MTCH2: variants seen among roughly 807,000 people sequenced by gnomAD.
MTCH2 encodes the protein mitochondrial carrier 2.
A neutral mutation model predicts 50.6 loss-of-function variants in MTCH2; 25 were observed. The observed-to-expected ratio is 0.49, with a 90% CI of 0.36 to 0.69. The LOEUF is 0.69. MTCH2 is among the 30% of genes least tolerant of loss of function. The probability of loss-of-function intolerance (pLI) is 0.00; values close to 1 mark genes in which losing one functional copy is unlikely to be tolerated. For missense variants in MTCH2, 273 were observed against 384.4 expected (o/e 0.71, Z 2.42); for synonymous variants, 106 against 132.0 (o/e 0.80, Z 1.35).
intron 5 of MTCH2, among the ~76,000 whole-genome samples, chr11:47,633,331 C>A (rs1357717715): frequency 2.2e-5 from 3 of 138,382 alleles, no homozygotes; most frequent in Admixed American, 7.3e-5. Context: ...AGGGTGGTCT[C>A]AATCTCCTGA....
downstream of MTCH2, among the ~76,000 whole-genome samples, chr11:47,614,944 G>C (rs2097287463): frequency 1.4e-5 from 2 of 146,722 alleles, no homozygotes; most frequent in South Asian, 4.3e-4. Flanking sequence ...AAAAAAATCT[G>C]TTAACTGGTT....
chr11:47,625,478 G>A (rs1174699532), intron 11 of MTCH2, among the ~76,000 whole-genome samples, 196 bp downstream of exon 11: 4 of 151,012 alleles, frequency 2.6e-5, no homozygotes, highest in African/African-American at 2.4e-5. Context: ...TGAGGCTGCT[G>A]CTGCATAGGG....
intron 5 of MTCH2, 48 bp downstream of exon 5, chr11:47,634,624 C>G (rs1242222933): frequency 7.0e-7 from 1 of 1,428,692 alleles, no homozygotes; most frequent in Non-Finnish European, 9.8e-7. Context: ...AGTTGCAACA[C>G]CACAGTTTGA....
the MTCH2 span, among the ~76,000 whole-genome samples, chr11:47,604,758 G>C: frequency 6.6e-6 from 1 of 152,100 alleles, no homozygotes; most frequent in Non-Finnish European, 1.5e-5. Flanking sequence ...GCTAAGAAAT[G>C]CTGTTAGTTA....
chr11:47,635,617 T>C (rs746852077), intron 3 of MTCH2, 46 bp from the exon 4 acceptor site: 113 of 1,557,902 alleles, frequency 7.3e-5, no homozygotes, highest in Middle Eastern at 1.7e-4. Context: ...TACAGTGTCA[T>C]GTGAAAGAAG....
In MTCH2 at chr11:47,642,475, C is replaced by T. The variant is rs756176351; in HGVS notation, c.-10G>A. The stretch of plus-strand genomic sequence containing the variant: ...TGGCCGCGTCCGCCATGATGGCACC[C>T]GCGGGCGGACGGACAGACAGACGGA... On this transcript the variant is annotated 5_prime_UTR_variant, in exon 1 of 13. Coordinates refer to ENST00000302503, the MANE Select transcript of MTCH2 (RefSeq NM_014342.4). The T allele has an allele frequency of 2.2e-5, 35 of 1,576,078 alleles. No homozygotes were observed. Among genetic ancestry groups the T allele is most frequent in the Non-Finnish European group, 3.0e-5 (35 of 1,162,824 alleles).
chr11:47,632,338 G>A (rs918034000), intron 5 of MTCH2, among the ~76,000 whole-genome samples: 2 of 151,558 alleles, frequency 1.3e-5, no homozygotes, highest in Non-Finnish European at 2.9e-5. Flanking sequence ...ATGTAAGCAG[G>A]TCTACCATTG....
At chr11:47,631,391 A>C (rs1000333357) in intron 6 of MTCH2, among the ~76,000 whole-genome samples, 17 of 152,194 alleles carry the variant, frequency 1.1e-4, no homozygotes, top group Admixed American at 5.2e-4. Flanking sequence ...CCTGGGCAAC[A>C]AGAGTGAAAC....
chr11:47,629,358 A>C, intron 8 of MTCH2: 1 of 290,048 alleles, frequency 3.4e-6, no homozygotes, highest in Non-Finnish European at 6.8e-6. Flanking sequence ...TGCAGAAGAG[A>C]CTTAAATATT....
intron 5 of MTCH2, 44 bp downstream of exon 5, chr11:47,634,627 CA>C: frequency 6.9e-7 from 1 of 1,449,698 alleles, no homozygotes; most frequent in Non-Finnish European, 9.6e-7. Context: ...TGCAACACCA[CA>C]GTTTGATCTG....
At chr11:47,636,719 T>C (rs374869462) in intron 3 of MTCH2, among the ~76,000 whole-genome samples, 1 of 147,788 alleles carries the variant, frequency 6.8e-6, no homozygotes, top group Admixed American at 6.8e-5. Context: ...GCAACAAGAG[T>C]GAAACTCTGT....
downstream of MTCH2, chr11:47,617,281 A>G (rs2097289048): frequency 6.6e-6 from 1 of 152,244 alleles, no homozygotes; most frequent in South Asian, 2.1e-4. Context: ...ATAGGCAAGC[A>G]TGAAAGTTCA....
chr11:47,631,129 C>A, intron 6 of MTCH2, 42 bp from the exon 7 acceptor site: 1 of 1,558,148 alleles, frequency 6.4e-7, no homozygotes, highest in Non-Finnish European at 8.8e-7. Context: ...TATGTTAAGG[C>A]CAGGTGCGGT....
At position 47,639,129 on chromosome 11, in the gene MTCH2, A is replaced by G; in HGVS notation, c.88-78T>C. ...TTGCTTGCAAGGTCTTGAATAAAGA[A>G]CACAATTTGGGTTATTTTTAAACAC... On this transcript the variant is annotated intron_variant, in intron 1 of 12. Coordinates refer to ENST00000302503, the MANE Select transcript of MTCH2 (RefSeq NM_014342.4). 4 of 1,285,504 alleles carry G rather than the reference A, an allele frequency of 3.1e-6. No individual in the cohort carries two copies. The South Asian group carries it at 5.4e-5, about 17-fold the overall frequency. 79.6% of individuals were successfully genotyped at this position (1,285,504 alleles called of 1,614,324 possible). A position where few individuals can be genotyped will look rare whatever the true frequency, so the allele number is the denominator to read the frequency against.
intron 12 of MTCH2, among the ~76,000 whole-genome samples, chr11:47,621,668 CA>C (rs1264126037): frequency 5.9e-5 from 9 of 152,236 alleles, no homozygotes; most frequent in Non-Finnish European, 1.2e-4. Context: ...CTCCTGACCT[CA>C]AGTGATCTGC....
chr11:47,641,888 T>TA (rs765969297), intron 1 of MTCH2, among the ~76,000 whole-genome samples: 1 of 151,878 alleles, frequency 6.6e-6, no homozygotes, highest in Non-Finnish European at 1.5e-5. Context: ...AAAGCAGTAG[T>TA]AACAGTAGCA....
At chr11:47,615,643 T>C (rs1304612252), downstream of MTCH2, among the ~76,000 whole-genome samples, 1 of 152,064 alleles carries the variant, frequency 6.6e-6, no homozygotes, top group East Asian at 1.9e-4. Context: ...TGCTTTTTTT[T>C]TTTTTTGAGA....
In MTCH2 at chr11:47,639,085, C is replaced by T. The variant is rs766872468; in HGVS notation, c.88-34G>A. On this transcript the variant is annotated intron_variant, in intron 1 of 12. Coordinates refer to ENST00000302503, the MANE Select transcript of MTCH2 (RefSeq NM_014342.4). ...ACAATGGAATATATCAATATTAAAG[C>T]AATATTTCCAGAAATGTCTTGCTTG... is the stretch of plus-strand genomic sequence containing the variant. 10 of 1,518,616 alleles carry T rather than the reference C, an allele frequency of 6.6e-6. No homozygotes were observed. In the South Asian group the frequency reaches 9.6e-5, roughly 15 times the overall value. 94.1% of individuals were successfully genotyped at this position (1,518,616 alleles called of 1,614,324 possible). A position where few individuals can be genotyped will look rare whatever the true frequency, so the allele number is the denominator to read the frequency against.
At chr11:47,608,784 C>CCAT in the MTCH2 span, among the ~76,000 whole-genome samples, 3 of 151,644 alleles carry the variant, frequency 2.0e-5, no homozygotes, top group South Asian at 2.1e-4. Flanking sequence ...TGGTGAAACC[C>CCAT]CATCTCTACT....
Sources: allele counts gnomAD v4.1 joint callset (sites outside exome capture counted in the v4.1 genomes callset), GRCh38; gene constraint gnomAD v4.1.1; transcripts MANE v1.5; gene names NCBI Gene and HGNC (gene_info 2026-07-23, HGNC 2026-07-21).